Variants in SLC30A9 observed in about 807,000 individuals in gnomAD.
SLC30A9 encodes proton-coupled zinc antiporter SLC30A9, mitochondrial.
A neutral mutation model predicts 87.5 loss-of-function variants in SLC30A9; 58 were observed. The ratio of observed to expected loss-of-function variants is 0.66; its 90% CI spans 0.54 to 0.82. The LOEUF is 0.82. SLC30A9 is among the 40% of genes least tolerant of loss of function. The probability of loss-of-function intolerance (pLI) is 0.00; values close to 1 mark genes in which losing one functional copy is unlikely to be tolerated. For synonymous variants in SLC30A9, 234 were observed against 233.0 expected, an observed-to-expected ratio of 1.00 and a Z score of -0.04; for missense variants, 557 against 679.1, an observed-to-expected ratio of 0.82 and a Z score of 2.00.
chr4:42,010,505 C>T (rs181564954), intron 2 of SLC30A9, among the ~76,000 whole-genome samples: 2 of 152,052 alleles, frequency 1.3e-5, no homozygotes, highest in East Asian at 3.9e-4. Flanking sequence ...ATAAAATAAA[C>T]ACACACACAG....
chr4:42,005,653 AAG>A (rs1393870697), intron 2 of SLC30A9, among the ~76,000 whole-genome samples: 2 of 152,304 alleles, frequency 1.3e-5, no homozygotes, highest in African/African-American at 2.4e-5. Context: ...AATCCGGGGA[AAG>A]CTGGCTTTGA....
chr4:42,029,650 C>A, intron 6 of SLC30A9: 1 of 612,384 alleles, frequency 1.6e-6, no homozygotes. Flanking sequence ...ATGAGGTGAG[C>A]GAAAGTCTGC....
chr4:42,054,729 C>T (rs1273854478), intron 9 of SLC30A9, among the ~76,000 whole-genome samples: 1 of 151,812 alleles, frequency 6.6e-6, no homozygotes. Context: ...TCTTGATCTC[C>T]TGACCTTGTG....
chr4:42,028,624 A>T (rs1716291042), intron 6 of SLC30A9, among the ~76,000 whole-genome samples: 1 of 152,234 alleles, frequency 6.6e-6, no homozygotes, highest in Admixed American at 6.5e-5. Context: ...AATATTTGTC[A>T]TGAGTAGGAA....
chr4:41,998,403 A>G (rs1714818713), intron 1 of SLC30A9, among the ~76,000 whole-genome samples: 2 of 151,956 alleles, frequency 1.3e-5, no homozygotes, highest in Admixed American at 6.6e-5. Flanking sequence ...AAGAATATTA[A>G]TGGTGGGTAA....
At chr4:42,040,849 A>G (rs1191413631) in intron 8 of SLC30A9, among the ~76,000 whole-genome samples, 4 of 151,290 alleles carry the variant, frequency 2.6e-5, no homozygotes, top group Non-Finnish European at 4.4e-5. Context: ...CCTGCAGAGG[A>G]GATTGAGGAG....
chr4:42,029,434 C>T, intron 6 of SLC30A9: 1 of 643,648 alleles, frequency 1.6e-6, no homozygotes, highest in Non-Finnish European at 3.0e-6. Flanking sequence ...ATCAGGACCC[C>T]CACCAGGATT....
At chr4:42,005,194 C>A (rs1715151673) in intron 2 of SLC30A9, among the ~76,000 whole-genome samples, 1 of 152,016 alleles carries the variant, frequency 6.6e-6, no homozygotes, top group Admixed American at 6.6e-5. Context: ...TCTTCATTTT[C>A]CATGATGTTT....
intron 14 of SLC30A9, among the ~76,000 whole-genome samples, chr4:42,068,643 A>G (rs1207222570): frequency 1.3e-5 from 2 of 152,220 alleles, no homozygotes; most frequent in East Asian, 1.9e-4. Flanking sequence ...CCTATTGACA[A>G]CATGAATGAG....
chr4:42,032,132 G>T (rs1233413626), intron 6 of SLC30A9, among the ~76,000 whole-genome samples: 1 of 152,068 alleles, frequency 6.6e-6, no homozygotes. Context: ...TCATGAGAAC[G>T]AACTCACCAG....
intron 6 of SLC30A9, chr4:42,029,759 A>G (rs1716344909): frequency 1.1e-5 from 8 of 729,490 alleles, no homozygotes; most frequent in Admixed American, 9.1e-5. Context: ...AGCTCAAGTG[A>G]GTTCTAGGCT....
chr4:42,041,865 A>G (rs1254884208), intron 8 of SLC30A9, among the ~76,000 whole-genome samples: 3 of 152,154 alleles, frequency 2.0e-5, no homozygotes, highest in East Asian at 1.9e-4. Flanking sequence ...TACCTGGCTC[A>G]TCTCATTGGG....
At chr4:42,067,859 C>G (rs1718144157) in intron 14 of SLC30A9, among the ~76,000 whole-genome samples, 1 of 152,170 alleles carries the variant, frequency 6.6e-6, no homozygotes, top group Admixed American at 6.5e-5. Flanking sequence ...CTGGCCAGGT[C>G]TGGTTCCTTC....
intron 6 of SLC30A9, among the ~76,000 whole-genome samples, chr4:42,027,166 G>T (rs1463754289): frequency 6.6e-6 from 1 of 152,064 alleles, no homozygotes; most frequent in Non-Finnish European, 1.5e-5. Flanking sequence ...GCCAAGAGTG[G>T]TTTTCATATT....
intron 6 of SLC30A9, among the ~76,000 whole-genome samples, chr4:42,032,620 A>T (rs947345511): frequency 6.6e-6 from 1 of 152,166 alleles, no homozygotes; most frequent in Non-Finnish European, 1.5e-5. Context: ...ATAGGAGTTC[A>T]TTACCAGGAG....
intron 2 of SLC30A9, among the ~76,000 whole-genome samples, chr4:42,002,574 A>G (rs1331506328): frequency 3.3e-5 from 5 of 152,050 alleles, no homozygotes; most frequent in African/African-American, 4.8e-5. Context: ...AATGGCCTCT[A>G]GCTACATCCA....
At chr4:42,020,029 A>T (rs1715881869) in intron 3 of SLC30A9, among the ~76,000 whole-genome samples, 1 of 151,976 alleles carries the variant, frequency 6.6e-6, no homozygotes, top group Non-Finnish European at 1.5e-5. Flanking sequence ...CAAACTCTTG[A>T]CCTCAAGTGA....
At chr4:42,055,110 G>T (rs1275740073) in intron 9 of SLC30A9, among the ~76,000 whole-genome samples, 1 of 151,984 alleles carries the variant, frequency 6.6e-6, no homozygotes, top group African/African-American at 2.4e-5. Context: ...GATCACCTGA[G>T]GTCAGGAGTT....
At chr4:42,074,937 T>C (rs1397499327) in intron 15 of SLC30A9, among the ~76,000 whole-genome samples, 1 of 147,432 alleles carries the variant, frequency 6.8e-6, no homozygotes, top group Non-Finnish European at 1.5e-5. Flanking sequence ...TTATATGGCA[T>C]TTAGGAAATT....
Sources: gnomAD v4.1 joint callset for allele counts (sites outside exome capture counted in the v4.1 genomes callset) on GRCh38, gnomAD v4.1.1 for gene constraint, MANE v1.5 for transcripts, NCBI Gene and HGNC (gene_info 2026-07-23, HGNC 2026-07-21) for gene names.